VAV2: variants seen among roughly 807,000 people sequenced by gnomAD.
VAV2 encodes guanine nucleotide exchange factor VAV2.
Under a neutral mutation model 132.5 loss-of-function variants are expected in VAV2, and 67 were observed. That is an observed-to-expected ratio of 0.51 (90% CI 0.42 to 0.62). The LOEUF (loss-of-function observed/expected upper bound fraction) is 0.62. VAV2 is among the 20% of genes least tolerant of loss of function. The pLI is 0.00. For missense variants in VAV2, 938 were observed against 1,153.6 expected (o/e 0.81, Z 2.71); for synonymous variants, 492 against 443.5 (o/e 1.11, Z -1.37).
chr9:133,835,428 G>A (rs997439725), intron 3 of VAV2, among the ~76,000 whole-genome samples: 2 of 149,104 alleles, frequency 1.3e-5, no homozygotes, highest in Admixed American at 1.3e-4. Context: ...GGGGAGGGAG[G>A]AGAGGCAGGA....
chr9:133,940,091 C>T (rs570787118), intron 1 of VAV2, among the ~76,000 whole-genome samples: 19 of 152,308 alleles, frequency 1.2e-4, no homozygotes, highest in African/African-American at 4.6e-4. Flanking sequence ...TGGAATCACT[C>T]GGGCCCCAGG....
rs1349164381 is a variant in VAV2, at chr9:133,857,010, G to T, written c.380+4364C>A. On this transcript the variant is annotated intron_variant, in intron 3 of 29. Coordinates refer to ENST00000371850, the MANE Select transcript of VAV2 (RefSeq NM_001134398.2). This position sits in a 1 kb window ranked among gnomAD's most constrained non-coding sequence, Gnocchi z 4.0. ...GAGCAACCCCGCGAGGCAGAGTCATGCTCCCAGCCTACAGAAGAGACAAAG... is the reference window on the plus strand; with the variant it reads ...GAGCAACCCCGCGAGGCAGAGTCATTCTCCCAGCCTACAGAAGAGACAAAG... Among the ~76,000 whole-genome samples, 1 of 152,168 alleles carries T rather than the reference G, an allele frequency of 6.6e-6. No individual in the cohort carries two copies. Among genetic ancestry groups the T allele is most frequent in the Non-Finnish European group, 1.5e-5 (1 of 68,034 alleles).
Position 133,788,439 on chromosome 9 carries a change from C to A in VAV2, c.1322G>T (p.Gly441Val), listed in dbSNP as rs1834321944. ...GATCTCCTTGAGCTCGTAGCTGTAG[C>A]CCTTCCGCTTGCAGACGATGACCAC... ...DKVVIVCKRK[G>V]YSYELKEIIE... Residue 441 changes from glycine (G) to valine (V), a missense_variant, in exon 15 of 30, where the codon GGC becomes GTC. Physicochemically the swap from Gly to Val is moderately radical, Grantham distance 109. Coordinates refer to ENST00000371850, the MANE Select transcript of VAV2 (RefSeq NM_001134398.2). The surrounding 1 kb of genome is among the most constrained non-coding windows in gnomAD (Gnocchi z 5.3). 6.2e-7 allele frequency: 1 copy of A among 1,612,104 alleles called. No homozygotes were observed. The highest frequency in any genetic ancestry group is 1.3e-5 in the African/African-American group (1 of 74,872).
In VAV2 at chr9:133,879,165, G is replaced by A. The variant is rs114749328; in HGVS notation, c.322-17733C>T. On this transcript the variant is annotated intron_variant, in intron 2 of 29. Coordinates refer to ENST00000371850, the MANE Select transcript of VAV2 (RefSeq NM_001134398.2). The surrounding 1 kb of genome is among the most constrained non-coding windows in gnomAD (Gnocchi z 4.4). ...TCAGCTGCAGACTCGCAGCAGTGCCGGAGCTCTCTGCGCCCCAGGCCCTCC... is the reference window on the plus strand; with the variant it reads ...TCAGCTGCAGACTCGCAGCAGTGCCAGAGCTCTCTGCGCCCCAGGCCCTCC... 0.024 allele frequency among the ~76,000 whole-genome samples: 3,602 copies of A among 152,224 alleles called. 129 individuals carry two copies. The highest frequency in any genetic ancestry group is 0.082 in the African/African-American group (3,423 of 41,508).
At chr9:133,980,370 AG>A (rs111628608) in intron 1 of VAV2, among the ~76,000 whole-genome samples, 21 of 152,258 alleles carry the variant, frequency 1.4e-4, no homozygotes, top group African/African-American at 4.8e-4. Flanking sequence ...TGCTGCCCAG[AG>A]TCTTCCAAGG....
chr9:133,970,003 A>AC (rs940920081), intron 1 of VAV2, among the ~76,000 whole-genome samples: 7 of 151,654 alleles, frequency 4.6e-5, no homozygotes, highest in Middle Eastern at 3.4e-3. Flanking sequence ...AGTTCCTGCC[A>AC]CCCCCCAGAC....
Position 133,863,173 on chromosome 9 carries a change from G to A in VAV2, c.322-1741C>T, listed in dbSNP as rs1256912858. Among the ~76,000 whole-genome samples the A allele has an allele frequency of 2.6e-5, 4 of 152,212 alleles. No homozygotes were observed. The highest frequency in any genetic ancestry group is 4.4e-5 in the Non-Finnish European group (3 of 68,042). The stretch of plus-strand genomic sequence containing the variant: ...GGAAAACAAAAATGAAAGCAATATT[G>A]CTGTACGTCCTTACAGTTATTTGGA... On this transcript the variant is annotated intron_variant, in intron 2 of 29. Transcript: ENST00000371850. This position sits in a 1 kb window ranked among gnomAD's most constrained non-coding sequence, Gnocchi z 5.0.
chr9:133,977,000 T>C (rs577199810), intron 1 of VAV2, among the ~76,000 whole-genome samples: 1 of 152,074 alleles, frequency 6.6e-6, no homozygotes, highest in Non-Finnish European at 1.5e-5. Flanking sequence ...CTGAAGGGGG[T>C]GCCTCTCCTA....
chr9:133,764,134 CTGTGTG>C (rs34181788), intron 29 of VAV2, 25 bp from the exon 30 acceptor site: 30 of 1,554,098 alleles, frequency 1.9e-5, no homozygotes, highest in African/African-American at 4.1e-5. Flanking sequence ...AAGATCGTGT[CTGTGTG>C]TGTGTGTGTG....
rs1838658975 is a variant in VAV2, at chr9:133,885,314, C to T, written c.322-23882G>A. ...TGGAAGCGCCTGCCCTGCCCAGCTG[C>T]ACTGTCTGCCTCTGCTTCTTCCCCA... On this transcript the variant is annotated intron_variant, in intron 2 of 29. Transcript: ENST00000371850. This position sits in a 1 kb window ranked among gnomAD's most constrained non-coding sequence, Gnocchi z 5.0. Among the ~76,000 whole-genome samples, 1 of 152,240 alleles carries T rather than the reference C, an allele frequency of 6.6e-6. No homozygotes were observed. Among genetic ancestry groups the T allele is most frequent in the Non-Finnish European group, 1.5e-5 (1 of 68,046 alleles).
intron 3 of VAV2, among the ~76,000 whole-genome samples, chr9:133,838,702 G>A (rs1463112105): frequency 7.4e-5 from 11 of 149,610 alleles, no homozygotes; most frequent in African/African-American, 2.7e-4. Flanking sequence ...TAGCTGGGTG[G>A]GTGGGTGGAT....
chr9:133,820,753 A>G (rs1835755602), intron 4 of VAV2, among the ~76,000 whole-genome samples: 1 of 152,188 alleles, frequency 6.6e-6, no homozygotes, highest in African/African-American at 2.4e-5. Context: ...ACTGGGAGGA[A>G]GAGGGAACCC....
chr9:133,950,278 T>C (rs1006020168), intron 1 of VAV2, among the ~76,000 whole-genome samples: 7 of 152,202 alleles, frequency 4.6e-5, no homozygotes, highest in Non-Finnish European at 8.8e-5. Context: ...AGAAGCCTCA[T>C]TTGGAAGTCT....
At chr9:133,954,724 G>C (rs1841690330) in intron 1 of VAV2, among the ~76,000 whole-genome samples, 2 of 152,350 alleles carry the variant, frequency 1.3e-5, no homozygotes, top group African/African-American at 4.8e-5. Flanking sequence ...ACATGTGGGG[G>C]TGCGCAGGTG....
intron 2 of VAV2, among the ~76,000 whole-genome samples, chr9:133,869,239 C>T (rs1465958695): frequency 1.3e-5 from 2 of 152,076 alleles, no homozygotes; most frequent in Non-Finnish European, 2.9e-5. Context: ...CCGCCCACCT[C>T]GGCCTCCCAA....
At chr9:133,960,085 T>C (rs755003021) in intron 1 of VAV2, among the ~76,000 whole-genome samples, 9 of 152,164 alleles carry the variant, frequency 5.9e-5, no homozygotes, top group Non-Finnish European at 1.2e-4. Flanking sequence ...GCATCCTCTT[T>C]GCCATCGCCC....
rs78231632 is a variant in VAV2, at chr9:133,897,816, A to G, written c.322-36384T>C. 7.7e-3 allele frequency among the ~76,000 whole-genome samples: 1,179 copies of G among 152,222 alleles called. 24 individuals carry two copies. Among genetic ancestry groups the G allele is most frequent in the African/African-American group, 0.027 (1,100 of 41,482 alleles). On this transcript the variant is annotated intron_variant, in intron 2 of 29. Coordinates refer to ENST00000371850, the MANE Select transcript of VAV2 (RefSeq NM_001134398.2). ...AATTAACGCTGGAGGCAAAAAGGTC[A>G]CTGGTATTAATGGAGTGAAGAAAAA...
rs1833687271 is a variant in VAV2, at chr9:133,772,993, C to T, written c.2136-947G>A. ...CCCACAACTAGGCTGGACGGCAGAG[C>T]CTACTGCACACCCCACACCTAGGCT... On this transcript the variant is annotated intron_variant, in intron 25 of 29. Coordinates refer to ENST00000371850, the MANE Select transcript of VAV2 (RefSeq NM_001134398.2). 1.4e-5 allele frequency among the ~76,000 whole-genome samples: 2 copies of T among 141,750 alleles called. 1 individual carries two copies. Among genetic ancestry groups the T allele is most frequent in the African/African-American group, 5.2e-5 (2 of 38,658 alleles). The allele number at this position is 141,750 out of a possible 152,430, so 93.0% of individuals were successfully genotyped here. A position where few individuals can be genotyped will look rare whatever the true frequency, so the allele number is the denominator to read the frequency against.
intron 2 of VAV2, among the ~76,000 whole-genome samples, chr9:133,864,866 A>T (rs921536663): frequency 6.6e-6 from 1 of 152,238 alleles, no homozygotes; most frequent in Non-Finnish European, 1.5e-5. Context: ...TTCAGGAAGG[A>T]CACAGGAAAG....
Sources: gnomAD v4.1 joint callset for allele counts (sites outside exome capture counted in the v4.1 genomes callset) on GRCh38, gnomAD v4.1.1 for gene constraint, Gnocchi (gnomAD v3.1) non-coding constraint, MANE v1.5 for transcripts, NCBI Gene and HGNC (gene_info 2026-07-23, HGNC 2026-07-21) for gene names.